The following DLGAP2 variants were observed in gnomAD, a reference collection of about 807,000 sequenced individuals.
DLGAP2 encodes the protein disks large-associated protein 2.
DLGAP2 carries 26 observed loss-of-function variants against 100.3 expected under a neutral mutation model. The observed-to-expected ratio is 0.26, with a 90% CI of 0.19 to 0.36. The LOEUF (loss-of-function observed/expected upper bound fraction) is 0.36, where lower values mean the gene tolerates loss of function less well. Among genes scored for constraint, DLGAP2 ranks in the 10% least tolerant of loss-of-function variants. The pLI, the probability that DLGAP2 is intolerant of heterozygous loss-of-function variation, is 1.00. For missense variants in DLGAP2, 1,858 were observed against 1,453.2 expected (o/e 1.28, Z -4.53); for synonymous variants, 886 against 630.1 (o/e 1.41, Z -6.08).
intron 14 of DLGAP2, among the ~76,000 whole-genome samples, chr8:1,699,105 C>A (rs1346638604): frequency 6.6e-6 from 1 of 152,238 alleles, no homozygotes; most frequent in Non-Finnish European, 1.5e-5. Flanking sequence ...ACGGAACGTA[C>A]TGAAGTTAGC....
intron 3 of DLGAP2, among the ~76,000 whole-genome samples, chr8:1,321,945 A>G (rs1311371583): frequency 6.6e-6 from 1 of 152,214 alleles, no homozygotes; most frequent in Non-Finnish European, 1.5e-5. Flanking sequence ...ACAGGCATTT[A>G]ATTTTATGTT....
chr8:1,288,587 A>AGTGT (rs1156600747), intron 3 of DLGAP2, among the ~76,000 whole-genome samples: 57 of 119,808 alleles, frequency 4.8e-4, no homozygotes, highest in East Asian at 3.4e-3. Flanking sequence ...GTTTCAGTTG[A>AGTGT]GTGTGTGTGT....
intron 3 of DLGAP2, among the ~76,000 whole-genome samples, chr8:1,352,371 G>A (rs1801755902): frequency 6.6e-6 from 1 of 152,030 alleles, no homozygotes. Flanking sequence ...GACTCCCCCT[G>A]GGGCTTCCTC....
At chr8:1,046,388 A>G (rs755872902) in intron 2 of DLGAP2, among the ~76,000 whole-genome samples, 10 of 152,190 alleles carry the variant, frequency 6.6e-5, no homozygotes, top group Non-Finnish European at 1.0e-4. Flanking sequence ...TTCATGATCT[A>G]AATTCCCCCT....
chr8:1,573,344 GGA>G (rs1425032062), intron 6 of DLGAP2, among the ~76,000 whole-genome samples: 1 of 130,130 alleles, frequency 7.7e-6, no homozygotes, highest in South Asian at 3.1e-4. Flanking sequence ...GAGATGGAGG[GGA>G]GAGAGGGGTG....
At chr8:1,390,613 G>A (rs1325586993) in intron 3 of DLGAP2, among the ~76,000 whole-genome samples, 1 of 152,084 alleles carries the variant, frequency 6.6e-6, no homozygotes, top group Non-Finnish European at 1.5e-5. Context: ...TTGAGGACTG[G>A]ACTTCTGCCC....
intron 1 of DLGAP2, among the ~76,000 whole-genome samples, chr8:810,753 C>T (rs1236641974): frequency 6.6e-6 from 1 of 152,226 alleles, no homozygotes; most frequent in Non-Finnish European, 1.5e-5. Flanking sequence ...TCAGTTCCTT[C>T]ATCTTATCCT....
At chr8:1,194,460 C>A (rs185264606) in intron 2 of DLGAP2, among the ~76,000 whole-genome samples, 22 of 152,232 alleles carry the variant, frequency 1.4e-4, no homozygotes, top group Admixed American at 3.9e-4. Context: ...GTGGGGAGGA[C>A]GGCAGAGCTT....
chr8:1,413,231 G>C (rs1284419119), intron 3 of DLGAP2, among the ~76,000 whole-genome samples: 3 of 152,040 alleles, frequency 2.0e-5, no homozygotes. Context: ...TTTATTATTA[G>C]CTATTTATTT....
At chr8:1,331,646 A>G (rs1801160374) in intron 3 of DLGAP2, among the ~76,000 whole-genome samples, 1 of 152,312 alleles carries the variant, frequency 6.6e-6, no homozygotes. Context: ...TTTGGTGTCA[A>G]CATCTTGGGT....
intron 2 of DLGAP2, chr8:927,177 T>C (rs1389737419): frequency 2.0e-6 from 2 of 985,092 alleles, no homozygotes; most frequent in African/African-American, 3.5e-5. Flanking sequence ...AGATGGGGAG[T>C]GTTCAGGAAA....
intron 2 of DLGAP2, among the ~76,000 whole-genome samples, chr8:1,073,935 G>C (rs1252511068): frequency 6.6e-6 from 1 of 152,244 alleles, no homozygotes; most frequent in Admixed American, 6.5e-5. Context: ...TGTAACAGAA[G>C]GGTTTGCAGC....
intron 1 of DLGAP2, among the ~76,000 whole-genome samples, chr8:866,855 G>C (rs144085236): frequency 6.6e-6 from 1 of 152,186 alleles, no homozygotes; most frequent in Non-Finnish European, 1.5e-5. Context: ...TGACTTGTTG[G>C]GAGAAGCTGC....
At chr8:1,557,154 A>G (rs897665309) in intron 5 of DLGAP2, among the ~76,000 whole-genome samples, 2 of 152,152 alleles carry the variant, frequency 1.3e-5, no homozygotes, top group African/African-American at 2.4e-5. Flanking sequence ...ACAACCAAAC[A>G]TATCTCCAGA....
At chr8:1,323,601 G>T (rs1800955673) in intron 3 of DLGAP2, among the ~76,000 whole-genome samples, 2 of 152,234 alleles carry the variant, frequency 1.3e-5, no homozygotes, top group South Asian at 2.1e-4. Context: ...AGCTCCTGCT[G>T]TACGGGGATG....
chr8:1,225,005 T>G (rs891372676), intron 2 of DLGAP2, among the ~76,000 whole-genome samples: 2 of 152,214 alleles, frequency 1.3e-5, no homozygotes, highest in South Asian at 2.1e-4. Flanking sequence ...AAATGTAAAG[T>G]TATTTAGCCA....
rs147284447 is a variant in DLGAP2, at chr8:1,601,088, A to G, written c.1443-25652A>G. On this transcript the variant is annotated intron_variant, in intron 6 of 14. Coordinates refer to ENST00000637795, the MANE Select transcript of DLGAP2 (RefSeq NM_001346810.2). Reference sequence around the variant, plus strand: ...CGTCCTTTTTATTGATGTTGATGCTATTACTTTCTGTTTGATAGTTTTCTT... The same window carrying G: ...CGTCCTTTTTATTGATGTTGATGCTGTTACTTTCTGTTTGATAGTTTTCTT... Among the ~76,000 whole-genome samples the G allele has an allele frequency of 4.6e-3, 702 of 152,166 alleles. 4 individuals carry two copies. The highest frequency in any genetic ancestry group is 0.016 in the African/African-American group (667 of 41,516).
intron 6 of DLGAP2, among the ~76,000 whole-genome samples, chr8:1,594,993 A>G (rs1796405975): frequency 6.6e-6 from 1 of 151,862 alleles, no homozygotes. Context: ...TCCCATCTTG[A>G]ATCCATACAC....
intron 3 of DLGAP2, among the ~76,000 whole-genome samples, chr8:1,438,996 A>G (rs1243728497): frequency 2.0e-5 from 3 of 152,236 alleles, no homozygotes; most frequent in Non-Finnish European, 4.4e-5. Context: ...CTTCTTATGA[A>G]GAAACAAAGC....
Sources: gnomAD v4.1 joint callset for allele counts (sites outside exome capture counted in the v4.1 genomes callset) on GRCh38, gnomAD v4.1.1 for gene constraint, MANE v1.5 for transcripts, NCBI Gene and HGNC (gene_info 2026-07-23, HGNC 2026-07-21) for gene names.